GALNT1: variants seen among roughly 807,000 people sequenced by gnomAD.
The protein encoded by GALNT1 is polypeptide N-acetylgalactosaminyltransferase 1, also known as GalNAc transferase 1.
A neutral mutation model predicts 65.7 loss-of-function variants in GALNT1; 17 were observed. The ratio of observed to expected loss-of-function variants is 0.26; its 90% CI spans 0.18 to 0.39. GALNT1 has a LOEUF of 0.39. Ranked by LOEUF, GALNT1 falls within the 10% of genes least tolerant of loss-of-function variation. The pLI is 1.00. For synonymous variants in GALNT1, 210 were observed against 219.7 expected, an observed-to-expected ratio of 0.96 and a Z score of 0.39; for missense variants, 460 against 672.8, an observed-to-expected ratio of 0.68 and a Z score of 3.50.
intron 9 of GALNT1, among the ~76,000 whole-genome samples, chr18:35,698,060 A>G (rs2048089352): frequency 6.6e-6 from 1 of 152,214 alleles, no homozygotes; most frequent in African/African-American, 2.4e-5. Context: ...GTTTATTAGC[A>G]TGTTGTGCAA....
At chr18:35,645,218 G>GTTTTTTTT (rs1166987925) in intron 1 of GALNT1, among the ~76,000 whole-genome samples, 3 of 54,366 alleles carry the variant, frequency 5.5e-5, no homozygotes, top group Non-Finnish European at 1.0e-4. Context: ...TATTTTGAAT[G>GTTTTTTTT]TTTTTTTTTT....
At chr18:35,704,256 T>G (rs867347887) in intron 11 of GALNT1, among the ~76,000 whole-genome samples, 7 of 151,754 alleles carry the variant, frequency 4.6e-5, no homozygotes, top group Admixed American at 1.3e-4. Context: ...CTTTCTCTGG[T>G]TCTTTTTAAT....
intron 1 of GALNT1, among the ~76,000 whole-genome samples, chr18:35,640,079 T>C (rs1270168609): frequency 6.6e-6 from 1 of 152,260 alleles, no homozygotes; most frequent in Non-Finnish European, 1.5e-5. Flanking sequence ...ATTACAGGTG[T>C]GAGCCACCAT....
At chr18:35,593,167 A>G (rs1197591723) in intron 1 of GALNT1, among the ~76,000 whole-genome samples, 1 of 152,148 alleles carries the variant, frequency 6.6e-6, no homozygotes, top group Non-Finnish European at 1.5e-5. Flanking sequence ...CAGGTGTTGA[A>G]CCATAGGGAG....
intron 1 of GALNT1, among the ~76,000 whole-genome samples, chr18:35,614,992 G>A (rs1215773054): frequency 6.6e-6 from 1 of 151,998 alleles, no homozygotes; most frequent in African/African-American, 2.4e-5. Context: ...CATGTTCATA[G>A]AAAGAAGGTT....
At chr18:35,682,565 G>A (rs16967001) in intron 4 of GALNT1, among the ~76,000 whole-genome samples, 9,378 of 152,002 alleles carry the variant, frequency 0.062, 319 homozygotes, top group South Asian at 0.077. Context: ...CAACCTGATC[G>A]GAAAAATGTT....
At chr18:35,605,204 A>G (rs2046630716) in intron 1 of GALNT1, among the ~76,000 whole-genome samples, 1 of 152,136 alleles carries the variant, frequency 6.6e-6, no homozygotes, top group African/African-American at 2.4e-5. Context: ...GTCTTTTAAC[A>G]GTGTTTTAGA....
chr18:35,676,735 G>A (rs371916576), intron 3 of GALNT1, among the ~76,000 whole-genome samples: 1 of 152,118 alleles, frequency 6.6e-6, no homozygotes, highest in East Asian at 1.9e-4. Flanking sequence ...GTTTAGGGGG[G>A]CTTATGTTCT....
intron 1 of GALNT1, among the ~76,000 whole-genome samples, chr18:35,614,185 A>G (rs2046753749): frequency 6.6e-6 from 1 of 152,236 alleles, no homozygotes. Flanking sequence ...ACGGCTAAAG[A>G]GCAAAAGACT....
rs568679437 is a variant in GALNT1 at position 35,706,233 on chromosome 18, G to A, written c.1533+2590G>A. ...TAAGAGTATTTAGAAAGAGCCGGCCGGGCGCGGTGGCTCAAGCCTGTAATC... is the reference window on the plus strand; with the variant it reads ...TAAGAGTATTTAGAAAGAGCCGGCCAGGCGCGGTGGCTCAAGCCTGTAATC... On this transcript the variant is annotated intron_variant, in intron 11 of 11. Transcript: ENST00000269195. Among the ~76,000 whole-genome samples the A allele has an allele frequency of 6.0e-3, 906 of 152,106 alleles. 4 individuals are homozygous for A. The highest frequency in any genetic ancestry group is 0.014 in the Middle Eastern group (4 of 294).
intron 1 of GALNT1, among the ~76,000 whole-genome samples, chr18:35,599,863 G>C (rs1232009663): frequency 3.9e-5 from 6 of 152,128 alleles, no homozygotes; most frequent in Admixed American, 1.3e-4. Flanking sequence ...TCTGGGTTCT[G>C]TATTCTGTTC....
intron 3 of GALNT1, among the ~76,000 whole-genome samples, chr18:35,676,756 C>T (rs1374723016): frequency 1.3e-5 from 2 of 152,030 alleles, no homozygotes; most frequent in Non-Finnish European, 2.9e-5. Flanking sequence ...AAAGCACATC[C>T]CTTGATCTCA....
Position 35,695,834 on chromosome 18 carries a change from A to G in GALNT1, c.1299+3514A>G, listed in dbSNP as rs1286195207. ...GAAGGCCCAGGGTGAGTGGTGCGCC[A>G]GGGAAAGATTTCTAGCAGTCACTCT... On this transcript the variant is annotated intron_variant, in intron 9 of 11. Transcript: ENST00000269195. Among the ~76,000 whole-genome samples the G allele has an allele frequency of 2.6e-5, 4 of 152,192 alleles. No individual in the cohort carries two copies. The East Asian group carries it at 7.7e-4, about 29-fold the overall frequency.
intron 2 of GALNT1, among the ~76,000 whole-genome samples, chr18:35,661,807 T>C (rs962075290): frequency 1.1e-4 from 16 of 152,194 alleles, no homozygotes; most frequent in African/African-American, 3.9e-4. Context: ...AGATGGTATA[T>C]GTATATGTTA....
intron 1 of GALNT1, among the ~76,000 whole-genome samples, chr18:35,646,882 C>G (rs975535325): frequency 6.6e-6 from 1 of 152,172 alleles, no homozygotes; most frequent in Non-Finnish European, 1.5e-5. Context: ...AAAGGCACCT[C>G]ATACTCAACA....
intron 5 of GALNT1, among the ~76,000 whole-genome samples, chr18:35,684,534 A>G (rs2047837222): frequency 6.6e-6 from 1 of 152,150 alleles, no homozygotes; most frequent in African/African-American, 2.4e-5. Flanking sequence ...ATAACACACA[A>G]CCCATAGAGA....
chr18:35,678,015 A>G (rs1376628568), intron 4 of GALNT1, among the ~76,000 whole-genome samples: 2 of 151,994 alleles, frequency 1.3e-5, no homozygotes, highest in African/African-American at 4.8e-5. Context: ...TATAACATAA[A>G]CTATTATGCA....
chr18:35,652,659 T>C (rs1435166225), intron 1 of GALNT1, among the ~76,000 whole-genome samples: 2 of 152,172 alleles, frequency 1.3e-5, no homozygotes, highest in Non-Finnish European at 2.9e-5. Flanking sequence ...GTCTAGCTAG[T>C]TACCTTGGCC....
upstream of GALNT1, chr18:35,581,039 A>C (rs903180079): frequency 2.0e-5 from 3 of 151,890 alleles, no homozygotes; most frequent in African/African-American, 7.3e-5. Flanking sequence ...GGCCTCCTGC[A>C]TCGCGGTCGC....
Sources: gnomAD v4.1 joint callset for allele counts (sites outside exome capture counted in the v4.1 genomes callset) on GRCh38, gnomAD v4.1.1 for gene constraint, MANE v1.5 for transcripts, NCBI Gene and HGNC (gene_info 2026-07-23, HGNC 2026-07-21) for gene names.